Variants in ATP13A1 observed in about 807,000 individuals in gnomAD.
ATP13A1 encodes endoplasmic reticulum transmembrane helix translocase.
Under a neutral mutation model 134.8 loss-of-function variants are expected in ATP13A1, and 55 were observed. The ratio of observed to expected loss-of-function variants is 0.41; its 90% CI spans 0.33 to 0.51. The LOEUF (loss-of-function observed/expected upper bound fraction) is 0.51. Ranked by LOEUF, ATP13A1 falls within the 20% of genes least tolerant of loss-of-function variation. The pLI, the probability that ATP13A1 is intolerant of heterozygous loss-of-function variation, is 0.29. For synonymous variants in ATP13A1, 775 were observed against 725.1 expected (o/e 1.07, Z -1.10); for missense variants, 1,389 against 1,652.8 (o/e 0.84, Z 2.77).
intron 1 of ATP13A1, 189 bp downstream of exon 1, chr19:19,663,082 A>T: frequency 1.2e-6 from 1 of 827,240 alleles, no homozygotes; most frequent in Non-Finnish European, 2.1e-6. Flanking sequence ...AACCCGCACC[A>T]GGCATGCACA....
Position 19,655,286 on chromosome 19 carries a change from T to G in ATP13A1, c.1534+30A>C. 11 of 1,613,918 alleles carry G rather than the reference T, an allele frequency of 6.8e-6. No individual in the cohort carries two copies. The highest frequency in any genetic ancestry group is 9.3e-6 in the Non-Finnish European group (11 of 1,179,880). ...GGGGTCCTGCTTGGCCCCAGCCCAC[T>G]CGGCACCCCATCCCATTTGACACAC... is the stretch of plus-strand genomic sequence containing the variant. On this transcript the variant is annotated intron_variant, in intron 11 of 25. Coordinates refer to ENST00000357324, the MANE Select transcript of ATP13A1 (RefSeq NM_020410.3). The surrounding 1 kb of genome is among the most constrained non-coding windows in gnomAD (Gnocchi z 5.7).
chr19:19,645,988 G>A lies in ATP13A1; in HGVS notation c.3249-3C>T, dbSNP rs905078487. 19 of 1,611,108 alleles carry A rather than the reference G, an allele frequency of 1.2e-5. No individual in the cohort carries two copies. The South Asian group carries it at 1.6e-4, about 14-fold the overall frequency. ...ACAAGTCCACGAACTGCTCCTGCCT[G>A]CAAGGACACATGGGAGTCAGGGCCC... is the stretch of plus-strand genomic sequence containing the variant. On this transcript the variant is annotated splice_region_variant and splice_polypyrimidine_tract_variant and intron_variant, in intron 23 of 25. Transcript: ENST00000357324. This position sits in a 1 kb window ranked among gnomAD's most constrained non-coding sequence, Gnocchi z 4.1.
At position 19,647,695 on chromosome 19, in the gene ATP13A1, G is replaced by A. The variant is rs748041982; in HGVS notation, c.2697C>T (p.Ser899=). 2.5e-6 allele frequency: 4 copies of A among 1,611,360 alleles called. No homozygotes were observed. The African/African-American group carries it at 5.3e-5, about 22-fold the overall frequency. The change falls in exon 20 of 26, where the codon AGC becomes AGT. Residue 899 remains serine (S), a synonymous_variant. Transcript: ENST00000357324. The surrounding 1 kb of genome is among the most constrained non-coding windows in gnomAD (Gnocchi z 4.8). ...VVERRRRPRD[S]PTLSNSGIRA... ...TGATGCCACTGTTGCTCAGGGTTGG[G>A]CTGTCCCGGGGCCGCCGTCGCCGCT...
chr19:19,655,719 CGTGGGCCTGGTCTTGGG>C lies in ATP13A1; in HGVS notation c.1270-82_1270-66del. ...CCCTCCAGCAGCTCAGGCCTGGAAG[CGTGGGCCTGGTCTTGGG>C]GTGGCCTCTGCACCCTGGCCCAGGT... On this transcript the variant is annotated intron_variant, in intron 9 of 25. Coordinates refer to ENST00000357324, the MANE Select transcript of ATP13A1 (RefSeq NM_020410.3). This position sits in a 1 kb window ranked among gnomAD's most constrained non-coding sequence, Gnocchi z 5.7. 6.4e-7 allele frequency: 1 copy of C among 1,569,026 alleles called. No homozygotes were observed.
intron 1 of ATP13A1, among the ~76,000 whole-genome samples, chr19:19,661,693 C>G (rs1057015120): frequency 6.6e-5 from 10 of 152,202 alleles, no homozygotes. Flanking sequence ...TCGTTCAGTG[C>G]TCCCTGGACC....
chr19:19,659,443 G>A (rs1169776069), intron 3 of ATP13A1, among the ~76,000 whole-genome samples, 158 bp downstream of exon 3: 1 of 151,936 alleles, frequency 6.6e-6, no homozygotes. Context: ...GTGACAGAGC[G>A]AGACTCAGTC....
intron 17 of ATP13A1, chr19:19,651,335 G>A (rs2062023021): frequency 5.6e-6 from 1 of 179,248 alleles, no homozygotes; most frequent in East Asian, 1.4e-4. Flanking sequence ...CTCGGTACAT[G>A]GGCAGCTTGC....
rs749692920 is a variant in ATP13A1 at position 19,655,350 on chromosome 19, G to A, written c.1500C>T (p.Ala500=). 20 of 1,613,840 alleles carry A rather than the reference G, an allele frequency of 1.2e-5. No homozygotes were observed. The highest frequency in any genetic ancestry group is 4.0e-5 in the African/African-American group (3 of 74,916). Residue 500 remains alanine (A), a synonymous_variant, in exon 11 of 26, where the codon GCC becomes GCT. Transcript: ENST00000357324. This position sits in a 1 kb window ranked among gnomAD's most constrained non-coding sequence, Gnocchi z 5.7. ...PPELPIELSL[A]VNTSLIALAK... is the part of the protein sequence containing the mutation. ...CCAGGGCGATGAGGGAGGTGTTGACGGCCAGGGACAGCTCGATGGGCAGCT... is the reference window on the plus strand; with the variant it reads ...CCAGGGCGATGAGGGAGGTGTTGACAGCCAGGGACAGCTCGATGGGCAGCT...
chr19:19,652,383 G>A (rs2062030376), intron 16 of ATP13A1, among the ~76,000 whole-genome samples: 1 of 152,206 alleles, frequency 6.6e-6, no homozygotes. Flanking sequence ...GGGGAGTGAA[G>A]GGAGTGGTCT....
In ATP13A1 at chr19:19,652,585, C is replaced by T. The variant is rs985199309; in HGVS notation, c.2226+10G>A. On this transcript the variant is annotated intron_variant, in intron 16 of 25. Transcript: ENST00000357324. ...CCATGCAGAGGGTGGAGCCGAGCAC[C>T]GTCCCATACCCGGTGGGACGCATTC... 1.9e-5 allele frequency: 31 copies of T among 1,605,902 alleles called. No individual in the cohort carries two copies. Among genetic ancestry groups the T allele is most frequent in the African/African-American group, 5.3e-5 (4 of 74,808 alleles).
At position 19,656,303 on chromosome 19, in the gene ATP13A1, T is replaced by C. The variant is rs528759234; in HGVS notation, c.1084-120A>G. The C allele has an allele frequency of 6.6e-4, 898 of 1,354,096 alleles. No individual in the cohort carries two copies. The highest frequency in any genetic ancestry group is 7.4e-4 in the Non-Finnish European group (739 of 998,354). 83.9% of individuals were successfully genotyped at this position (1,354,096 alleles called of 1,614,324 possible). ...GCCAGGGGGATCCCCACCCGACCAA[T>C]ACATCCCACCCAGCTCCCAGATCCT... On this transcript the variant is annotated intron_variant, in intron 7 of 25. Transcript: ENST00000357324. This position sits in a 1 kb window ranked among gnomAD's most constrained non-coding sequence, Gnocchi z 4.6.
Position 19,654,683 on chromosome 19 carries a change from G to A in ATP13A1, c.1673C>T (p.Thr558Ile). The change falls in exon 13 of 26, where the codon ACC becomes ATC. Residue 558 changes from threonine (T) to isoleucine (I), a missense_variant. By Grantham distance (89) the Thr-to-Ile change is moderately conservative. This residue lies in a region of ATP13A1 where 747 missense variants were observed against 956.1 expected (regional missense o/e 0.78). Transcript: ENST00000357324. ...VAGLRDGKEVTPVSSIPVETH... is the reference protein window; with the variant it reads ...VAGLRDGKEVIPVSSIPVETH... The stretch of plus-strand genomic sequence containing the variant: ...TTCTACAGGGATGCTGGACACTGGG[G>A]TCACCTCCTTCCCGTCTCTGCAAGG... 2 of 1,612,676 alleles carry A rather than the reference G, an allele frequency of 1.2e-6. No individual in the cohort carries two copies. Among genetic ancestry groups the A allele is most frequent in the South Asian group, 1.1e-5 (1 of 91,074 alleles).
At chr19:19,662,051 G>A (rs748177367) in intron 1 of ATP13A1, 33 of 1,568,830 alleles carry the variant, frequency 2.1e-5, no homozygotes, top group Non-Finnish European at 1.2e-5. Flanking sequence ...CCCTTTCTGA[G>A]ATCTGAATCA....
Position 19,645,828 on chromosome 19 carries a change from G to C in ATP13A1, c.3361-38C>G. On this transcript the variant is annotated intron_variant, in intron 24 of 25. Transcript: ENST00000357324. This position sits in a 1 kb window ranked among gnomAD's most constrained non-coding sequence, Gnocchi z 4.1. ...GGGACAGATGGCTTCATGGGGTGGG[G>C]CTGGGTGGGCAGACAGTGAATGTTT... 2 of 1,610,700 alleles carry C rather than the reference G, an allele frequency of 1.2e-6. No homozygotes were observed. Among genetic ancestry groups the C allele is most frequent in the Non-Finnish European group, 1.7e-6 (2 of 1,178,332 alleles).
In ATP13A1 at chr19:19,646,237, C is replaced by T. The variant is rs1158221925; in HGVS notation, c.3216G>A (p.Leu1072=). ...GGCTCCGGGCCTGGGCCTCACGGTACAGGTAGACAAGGCTCAGGAAGTGCA... is the reference window on the plus strand; with the variant it reads ...GGCTCCGGGCCTGGGCCTCACGGTATAGGTAGACAAGGCTCAGGAAGTGCA... ...FFVHFLSLVY[L]YREAQARSPE... Residue 1072 remains leucine, a synonymous_variant, in exon 23 of 26, where the codon CTG becomes CTA. Transcript: ENST00000357324. 1 of 1,613,850 alleles carries T rather than the reference C, an allele frequency of 6.2e-7. No individual in the cohort carries two copies. Among genetic ancestry groups the T allele is most frequent in the Non-Finnish European group, 8.5e-7 (1 of 1,179,886 alleles).
chr19:19,658,869 G>C (rs1039845813), intron 3 of ATP13A1, among the ~76,000 whole-genome samples: 4 of 150,956 alleles, frequency 2.6e-5, no homozygotes, highest in African/African-American at 9.7e-5. Context: ...TTGGGATGTT[G>C]ATTTAGGAGG....
intron 12 of ATP13A1, 120 bp downstream of exon 12, chr19:19,654,999 C>T: frequency 4.1e-6 from 6 of 1,449,362 alleles, no homozygotes; most frequent in Non-Finnish European, 5.5e-6. Context: ...GGAAATGAAC[C>T]CGAGGCAGGG....
Position 19,656,241 on chromosome 19 carries a change from T to G in ATP13A1, c.1084-58A>C. On this transcript the variant is annotated intron_variant, in intron 7 of 25. Transcript: ENST00000357324. This position sits in a 1 kb window ranked among gnomAD's most constrained non-coding sequence, Gnocchi z 4.6. ...GGCCTACCTTGCTTCCTTCTCCATCTGAGTTCCTGGACAGCTGGACCTTGA... is the reference window on the plus strand; with the variant it reads ...GGCCTACCTTGCTTCCTTCTCCATCGGAGTTCCTGGACAGCTGGACCTTGA... 6.4e-7 allele frequency: 1 copy of G among 1,550,590 alleles called. No homozygotes were observed. Among genetic ancestry groups the G allele is most frequent in the Admixed American group, 1.9e-5 (1 of 53,550 alleles).
intron 12 of ATP13A1, 26 bp from the exon 13 acceptor site, chr19:19,654,726 A>T (rs1408055893): frequency 6.2e-7 from 1 of 1,600,666 alleles, no homozygotes. Context: ...ACAGCTGGTT[A>T]CAGAGTGCAG....
Sources: allele counts gnomAD v4.1 joint callset (sites outside exome capture counted in the v4.1 genomes callset), GRCh38; gene constraint gnomAD v4.1.1; regional missense constraint gnomAD v4.1.1; non-coding constraint Gnocchi (gnomAD v3.1); transcripts MANE v1.5; gene names NCBI Gene and HGNC (gene_info 2026-07-23, HGNC 2026-07-21).